CCDC7: variants seen among roughly 807,000 people sequenced by gnomAD.
The protein encoded by CCDC7 is coiled-coil domain-containing protein 7.
A neutral mutation model predicts 196.9 loss-of-function variants in CCDC7; 183 were observed. The observed-to-expected ratio is 0.93, with a 90% CI of 0.82 to 1.05. The LOEUF (loss-of-function observed/expected upper bound fraction) is 1.05, where lower values mean the gene tolerates loss of function less well. Among genes scored for constraint, CCDC7 ranks in the 50% least tolerant of loss-of-function variants. CCDC7 has a pLI of 0.00. For missense variants in CCDC7, 1,540 were observed against 1,482.2 expected (o/e 1.04, Z -0.64); for synonymous variants, 525 against 484.6 (o/e 1.08, Z -1.10).
chr10:32,745,023 A>T (rs889083380), intron 28 of CCDC7, among the ~76,000 whole-genome samples: 2 of 152,170 alleles, frequency 1.3e-5, no homozygotes, highest in Admixed American at 6.5e-5. Context: ...CTAGATTTAT[A>T]TTTTATTGCA....
At chr10:32,591,979 T>A (rs542529373) in intron 18 of CCDC7, among the ~76,000 whole-genome samples, 10 of 152,304 alleles carry the variant, frequency 6.6e-5, no homozygotes, top group African/African-American at 2.2e-4. Flanking sequence ...TAGATAGTTG[T>A]TAAATTTGGT....
intron 29 of CCDC7, among the ~76,000 whole-genome samples, chr10:32,795,565 GT>G (rs1343910383): frequency 5.3e-5 from 8 of 151,918 alleles, no homozygotes; most frequent in African/African-American, 1.7e-4. Flanking sequence ...ATCAGTCATT[GT>G]TTTTTTGCTT....
chr10:32,662,843 G>C (rs1336176299), intron 20 of CCDC7, among the ~76,000 whole-genome samples: 1 of 152,104 alleles, frequency 6.6e-6, no homozygotes, highest in Non-Finnish European at 1.5e-5. Flanking sequence ...GTCTGAGTTT[G>C]GTAAATGATC....
chr10:32,538,243 T>G (rs2050833185), intron 11 of CCDC7, among the ~76,000 whole-genome samples: 2 of 152,186 alleles, frequency 1.3e-5, no homozygotes, highest in Admixed American at 6.5e-5. Context: ...TTTTATTCTT[T>G]TTGTGGCAGT....
chr10:32,575,102 A>G (rs558955052), intron 16 of CCDC7, among the ~76,000 whole-genome samples: 1 of 152,222 alleles, frequency 6.6e-6, no homozygotes, highest in Non-Finnish European at 1.5e-5. Flanking sequence ...AGACTAATAC[A>G]TGGAGATAAT....
chr10:32,814,511 G>A (rs1472079912), intron 31 of CCDC7, 58 bp downstream of exon 32: 3 of 1,218,868 alleles, frequency 2.5e-6, no homozygotes, highest in Non-Finnish European at 3.6e-6. Flanking sequence ...TCTCTGGAGT[G>A]TAACTAAGTG....
chr10:32,798,471 C>A (rs959565160), intron 29 of CCDC7, among the ~76,000 whole-genome samples: 2 of 152,206 alleles, frequency 1.3e-5, no homozygotes, highest in Non-Finnish European at 2.9e-5. Flanking sequence ...GGGTCATCCT[C>A]TCCACTTGAT....
At chr10:32,833,305 A>T (rs2135937231) in intron 32 of CCDC7, among the ~76,000 whole-genome samples, 1 of 151,844 alleles carries the variant, frequency 6.6e-6, no homozygotes, top group East Asian at 1.9e-4. Context: ...AAAATATTTG[A>T]ATTAGATGCT....
chr10:32,518,321 A>G, intron 10 of CCDC7, 95 bp from the exon 12 acceptor site: 2 of 1,284,712 alleles, frequency 1.6e-6, no homozygotes, highest in Non-Finnish European at 1.0e-6. Flanking sequence ...TCATGAGTTA[A>G]TGAAGACTTT....
chr10:32,841,213 C>T (rs137999334), intron 33 of CCDC7, among the ~76,000 whole-genome samples: 147 of 152,156 alleles, frequency 9.7e-4, no homozygotes, highest in African/African-American at 3.4e-3. Flanking sequence ...CAAACTGTAA[C>T]TGTTTGCTGA....
At chr10:32,806,440 G>A (rs1013270199) in intron 30 of CCDC7, among the ~76,000 whole-genome samples, 2 of 152,042 alleles carry the variant, frequency 1.3e-5, no homozygotes, top group East Asian at 1.9e-4. Flanking sequence ...CTACAAAGCA[G>A]TTAGTATAAA....
intron 24 of CCDC7, among the ~76,000 whole-genome samples, chr10:32,706,317 G>T (rs1005317254): frequency 1.3e-5 from 2 of 152,104 alleles, no homozygotes; most frequent in Admixed American, 1.3e-4. Flanking sequence ...CACATTTAAA[G>T]CAGTATGTAG....
intron 29 of CCDC7, among the ~76,000 whole-genome samples, chr10:32,780,807 T>G (rs781275488): frequency 6.6e-6 from 1 of 152,164 alleles, no homozygotes; most frequent in Non-Finnish European, 1.5e-5. Context: ...TGCAAATTGA[T>G]AAAACTCTTC....
intron 41 of CCDC7, among the ~76,000 whole-genome samples, chr10:32,871,941 TTTGA>T (rs1806842943): frequency 6.6e-6 from 1 of 152,214 alleles, no homozygotes; most frequent in Non-Finnish European, 1.5e-5. Flanking sequence ...TGAGTTCTAG[TTTGA>T]TTGCACTGTG....
At chr10:32,447,234 T>A (rs781634137), upstream of CCDC7, among the ~76,000 whole-genome samples, 14 of 152,210 alleles carry the variant, frequency 9.2e-5, no homozygotes, top group Non-Finnish European at 2.1e-4. Flanking sequence ...ACAAATGACC[T>A]ACCTCCATGT....
At chr10:32,544,381 G>A (rs902659617) in intron 13 of CCDC7, 80 bp downstream of exon 14, 311 of 1,418,822 alleles carry the variant, frequency 2.2e-4, no homozygotes, top group Non-Finnish European at 2.8e-4. Context: ...ACATTATTAC[G>A]TATGTGATTA....
intron 25 of CCDC7, among the ~76,000 whole-genome samples, chr10:32,720,400 C>A (rs1483831692): frequency 6.6e-6 from 1 of 151,448 alleles, no homozygotes; most frequent in African/African-American, 2.4e-5. Flanking sequence ...GGGAGTGGAA[C>A]ATCACACACT....
At chr10:32,731,239 T>G (rs1013461905) in intron 28 of CCDC7, among the ~76,000 whole-genome samples, 3 of 152,152 alleles carry the variant, frequency 2.0e-5, no homozygotes, top group Non-Finnish European at 4.4e-5. Context: ...TGTCTGACAT[T>G]GACATAATTA....
intron 29 of CCDC7, among the ~76,000 whole-genome samples, chr10:32,787,598 C>T (rs2082069378): frequency 6.6e-6 from 1 of 152,114 alleles, no homozygotes; most frequent in Admixed American, 6.5e-5. Flanking sequence ...TTCCTTGGAC[C>T]CCAACATTCA....
Sources: allele counts gnomAD v4.1 joint callset (sites outside exome capture counted in the v4.1 genomes callset), GRCh38; gene constraint gnomAD v4.1.1; transcripts MANE v1.5; gene names NCBI Gene and HGNC (gene_info 2026-07-23, HGNC 2026-07-21).